The following BMPR1A variants were observed in gnomAD, a reference collection of about 807,000 sequenced individuals.
BMPR1A encodes the protein bone morphogenetic protein receptor type-1A.
In BMPR1A, 7 loss-of-function variants were observed where a neutral mutation model predicts 66.0. That is an observed-to-expected ratio of 0.11 (90% CI 0.06 to 0.20). BMPR1A has a LOEUF of 0.20. BMPR1A is among the 10% of genes least tolerant of loss of function. BMPR1A has a pLI of 1.00. For synonymous variants in BMPR1A, 200 were observed against 229.7 expected (o/e 0.87, Z 1.17); for missense variants, 408 against 669.1 (o/e 0.61, Z 4.31).
At chr10:86,918,076 C>T (rs1188787802) in intron 9 of BMPR1A, among the ~76,000 whole-genome samples, 1 of 152,076 alleles carries the variant, frequency 6.6e-6, no homozygotes, top group Non-Finnish European at 1.5e-5. Context: ...TTTTGGTGTT[C>T]CTTGGCTTAG....
downstream of BMPR1A, chr10:86,931,506 TAATC>T: frequency 6.6e-6 from 1 of 151,672 alleles, no homozygotes. Flanking sequence ...GGAGGGATTT[TAATC>T]AAGACATTTC....
intron 1 of BMPR1A, among the ~76,000 whole-genome samples, chr10:86,805,303 C>G (rs1841873115): frequency 6.6e-6 from 1 of 151,626 alleles, no homozygotes; most frequent in South Asian, 2.1e-4. Context: ...TCTTCATACC[C>G]ACATTCACCA....
chr10:86,917,062 G>T (rs1741572959), intron 8 of BMPR1A, 72 bp from the exon 9 acceptor site: 10 of 1,514,662 alleles, frequency 6.6e-6, no homozygotes, highest in Non-Finnish European at 9.1e-7. Flanking sequence ...TTGATGAGAT[G>T]GACTACCCCT....
chr10:86,879,112 G>T (rs1564711420), intron 3 of BMPR1A, among the ~76,000 whole-genome samples: 1 of 152,130 alleles, frequency 6.6e-6, no homozygotes, highest in East Asian at 1.9e-4. Flanking sequence ...TGGTTATGTG[G>T]CTCATCAAGA....
At chr10:86,908,562 G>C (rs973888970) in intron 7 of BMPR1A, among the ~76,000 whole-genome samples, 3 of 152,192 alleles carry the variant, frequency 2.0e-5, no homozygotes, top group Admixed American at 6.5e-5. Context: ...TTGGGGTTTA[G>C]GTGCAGAAGG....
intron 1 of BMPR1A, among the ~76,000 whole-genome samples, chr10:86,800,363 A>T (rs1841794300): frequency 6.6e-6 from 1 of 152,094 alleles, no homozygotes; most frequent in Non-Finnish European, 1.5e-5. Flanking sequence ...TTCCTATCAA[A>T]AGAGGGAAAC....
intron 1 of BMPR1A, among the ~76,000 whole-genome samples, chr10:86,777,384 G>A (rs534289740): frequency 2.6e-5 from 4 of 152,160 alleles, no homozygotes; most frequent in South Asian, 2.1e-4. Flanking sequence ...GTTTGAGATC[G>A]GAGTGGACAA....
chr10:86,820,066 G>T (rs1363027638), intron 1 of BMPR1A, among the ~76,000 whole-genome samples: 1 of 152,094 alleles, frequency 6.6e-6, no homozygotes, highest in African/African-American at 2.4e-5. Flanking sequence ...TTGAGACAGG[G>T]TCTAACTTTC....
At chr10:86,829,070 G>A (rs758037570) in intron 1 of BMPR1A, among the ~76,000 whole-genome samples, 3 of 152,004 alleles carry the variant, frequency 2.0e-5, no homozygotes, top group Non-Finnish European at 2.9e-5. Flanking sequence ...GGAGGGATAC[G>A]GAGGGAAAGG....
At chr10:86,846,567 G>T (rs936285115) in intron 2 of BMPR1A, among the ~76,000 whole-genome samples, 21 of 152,074 alleles carry the variant, frequency 1.4e-4, no homozygotes, top group Non-Finnish European at 2.9e-4. Context: ...CGGGCATGGT[G>T]GTACATGCCT....
chr10:86,802,921 A>G (rs1486138647), intron 1 of BMPR1A, among the ~76,000 whole-genome samples: 1 of 149,044 alleles, frequency 6.7e-6, no homozygotes, highest in African/African-American at 2.5e-5. Flanking sequence ...AAAGACAAAG[A>G]TTAGCCAGGC....
At chr10:86,919,574 G>GT (rs751662090) in intron 10 of BMPR1A, 105 bp downstream of exon 10, 34 of 1,442,442 alleles carry the variant, frequency 2.4e-5, no homozygotes, top group Non-Finnish European at 3.1e-5. Context: ...GCATATGCTT[G>GT]TTTTTAGTTA....
At chr10:86,869,045 C>A (rs1050797147) in intron 2 of BMPR1A, among the ~76,000 whole-genome samples, 3 of 152,118 alleles carry the variant, frequency 2.0e-5, no homozygotes, top group African/African-American at 7.2e-5. Context: ...CAAATATCTG[C>A]ATCTCCTTAT....
intron 1 of BMPR1A, among the ~76,000 whole-genome samples, chr10:86,835,276 A>T (rs1842325499): frequency 6.6e-6 from 1 of 150,790 alleles, no homozygotes; most frequent in South Asian, 2.1e-4. Context: ...GAAAAAAAAC[A>T]AACAAGTGTC....
intron 5 of BMPR1A, among the ~76,000 whole-genome samples, chr10:86,896,094 C>T (rs1386374749): frequency 6.6e-6 from 1 of 150,910 alleles, no homozygotes; most frequent in Non-Finnish European, 1.5e-5. Context: ...TTGGAGGTTG[C>T]AGTGAGCCGA....
intron 1 of BMPR1A, among the ~76,000 whole-genome samples, chr10:86,815,129 A>G (rs1468522030): frequency 6.6e-6 from 1 of 152,094 alleles, no homozygotes; most frequent in African/African-American, 2.4e-5. Context: ...TGGATCTGAA[A>G]ACTTTGCCAT....
chr10:86,766,995 T>C (rs190549452), intron 1 of BMPR1A, among the ~76,000 whole-genome samples: 6 of 152,138 alleles, frequency 3.9e-5, no homozygotes, highest in Admixed American at 2.6e-4. Flanking sequence ...AGCTAATTTT[T>C]GTATTTTTAG....
intron 1 of BMPR1A, among the ~76,000 whole-genome samples, chr10:86,813,042 A>C (rs920833828): frequency 1.3e-5 from 2 of 152,138 alleles, no homozygotes; most frequent in African/African-American, 4.8e-5. Context: ...CAGAAATGTC[A>C]TATAGTTGGA....
chr10:86,887,982 C>A (rs1401372022), intron 3 of BMPR1A, among the ~76,000 whole-genome samples: 1 of 152,176 alleles, frequency 6.6e-6, no homozygotes, highest in Non-Finnish European at 1.5e-5. Context: ...GCTTCCCCCA[C>A]CCCATCTTTT....
Sources: allele counts gnomAD v4.1 joint callset (sites outside exome capture counted in the v4.1 genomes callset), GRCh38; gene constraint gnomAD v4.1.1; transcripts MANE v1.5; gene names NCBI Gene and HGNC (gene_info 2026-07-23, HGNC 2026-07-21).